Variants in CARMIL1 observed in about 807,000 individuals in gnomAD.
The protein encoded by CARMIL1 is F-actin-uncapping protein LRRC16A.
CARMIL1 carries 90 observed loss-of-function variants against 177.1 expected under a neutral mutation model. The ratio of observed to expected loss-of-function variants is 0.51; its 90% CI spans 0.43 to 0.61. The LOEUF is 0.61. Among genes scored for constraint, CARMIL1 ranks in the 20% least tolerant of loss-of-function variants. The pLI is 0.00. For synonymous variants in CARMIL1, 577 were observed against 606.2 expected, an observed-to-expected ratio of 0.95 and a Z score of 0.71; for missense variants, 1,380 against 1,667.0, an observed-to-expected ratio of 0.83 and a Z score of 3.00.
In CARMIL1 at chr6:25,596,369, T is replaced by C. The variant is rs4711087; in HGVS notation, c.3119+1842T>C. ...AAAGGTCAAGGGATAGGTAAAATCA[T>C]GAAGTAGTACGAAGAAAGTTTGAAA... On this transcript the variant is annotated intron_variant, in intron 32 of 36. Transcript: ENST00000329474. Among the ~76,000 whole-genome samples the C allele has an allele frequency of 9.1e-4, 139 of 152,266 alleles. 1 individual carries two copies. The highest frequency in any genetic ancestry group is 7.0e-3 in the Admixed American group (107 of 15,290).
chr6:25,322,122 G>A (rs1784724919), intron 2 of CARMIL1, among the ~76,000 whole-genome samples: 1 of 151,222 alleles, frequency 6.6e-6, no homozygotes, highest in Non-Finnish European at 1.5e-5. Context: ...GAAATCTGGT[G>A]TTTTTGTTTT....
intron 16 of CARMIL1, among the ~76,000 whole-genome samples, 188 bp downstream of exon 16, chr6:25,495,403 A>T (rs1042420595): frequency 7.9e-5 from 12 of 152,322 alleles, no homozygotes; most frequent in African/African-American, 2.6e-4. Flanking sequence ...ATATTATTGC[A>T]TCTTCTAAGA....
chr6:25,456,635 C>T (rs753922418), intron 8 of CARMIL1, among the ~76,000 whole-genome samples: 1 of 152,108 alleles, frequency 6.6e-6, no homozygotes, highest in African/African-American at 2.4e-5. Context: ...TTTAATTACA[C>T]TGTAATTTGG....
intron 2 of CARMIL1, among the ~76,000 whole-genome samples, chr6:25,329,011 G>A (rs1048615404): frequency 2.0e-5 from 3 of 152,152 alleles, no homozygotes; most frequent in African/African-American, 7.2e-5. Flanking sequence ...TTTCTGTCAT[G>A]TTGGAGAAGA....
At chr6:25,350,742 A>G (rs1788031461) in intron 2 of CARMIL1, 1 of 152,218 alleles carries the variant, frequency 6.6e-6, no homozygotes, top group Admixed American at 6.5e-5. Context: ...GTTTGCCAAA[A>G]GTCAGCCATC....
intron 2 of CARMIL1, among the ~76,000 whole-genome samples, chr6:25,323,644 A>G (rs1304468537): frequency 6.6e-6 from 1 of 152,140 alleles, no homozygotes; most frequent in Admixed American, 6.5e-5. Flanking sequence ...AATGGTTGCA[A>G]ATATTTCTGA....
At position 25,520,290 on chromosome 6, in the gene CARMIL1, C is replaced by G. The variant is rs1167804572; in HGVS notation, c.1921C>G (p.Gln641Glu). The change falls in exon 23 of 37, where the codon CAA becomes GAA. Residue 641 changes from glutamine to glutamate, a missense_variant. Coordinates refer to ENST00000329474, the MANE Select transcript of CARMIL1 (RefSeq NM_017640.6). ...GCCAATTCCTATGTATGATGCTTCTCAAGCCCTAAAAACAAACCCTGAAAA... is the reference window on the plus strand; with the variant it reads ...GCCAATTCCTATGTATGATGCTTCTGAAGCCCTAAAAACAAACCCTGAAAA... ...FMPIPMYDASQALKTNPEKTE... is the reference protein window; with the variant it reads ...FMPIPMYDASEALKTNPEKTE... 3 of 1,566,244 alleles carry G rather than the reference C, an allele frequency of 1.9e-6. No homozygotes were observed. Among genetic ancestry groups the G allele is most frequent in the Non-Finnish European group, 2.6e-6 (3 of 1,154,222 alleles).
intron 2 of CARMIL1, among the ~76,000 whole-genome samples, chr6:25,402,992 G>A (rs1794018031): frequency 6.6e-6 from 1 of 151,592 alleles, no homozygotes; most frequent in South Asian, 2.1e-4. Flanking sequence ...CCCTACTGAG[G>A]ACAAACATAA....
chr6:25,313,470 C>T (rs9379752), intron 2 of CARMIL1, among the ~76,000 whole-genome samples: 31,195 of 151,418 alleles, frequency 0.21, 4,146 homozygotes, highest in East Asian at 0.4. Flanking sequence ...TAGATTTGGT[C>T]CTATAAGGCT....
chr6:25,360,290 G>C (rs1250982746), intron 2 of CARMIL1, among the ~76,000 whole-genome samples: 32 of 152,210 alleles, frequency 2.1e-4, no homozygotes, highest in Admixed American at 2.1e-3. Context: ...GTGGGGGAGG[G>C]AAAGAAGGAA....
At chr6:25,444,045 C>G (rs1797996069) in intron 5 of CARMIL1, among the ~76,000 whole-genome samples, 1 of 152,104 alleles carries the variant, frequency 6.6e-6, no homozygotes, top group South Asian at 2.1e-4. Flanking sequence ...TCAGGTGATC[C>G]GCCTGCCTCA....
Position 25,509,767 on chromosome 6 carries a change from T to C in CARMIL1, c.1477+30T>C. 5 of 1,441,760 alleles carry C rather than the reference T, an allele frequency of 3.5e-6. No homozygotes were observed. The highest frequency in any genetic ancestry group is 4.8e-6 in the Non-Finnish European group (5 of 1,046,988). 89.3% of individuals were successfully genotyped at this position (1,441,760 alleles called of 1,614,324 possible). A position where few individuals can be genotyped will look rare whatever the true frequency, so the allele number is the denominator to read the frequency against. On this transcript the variant is annotated intron_variant, in intron 18 of 36. Coordinates refer to ENST00000329474, the MANE Select transcript of CARMIL1 (RefSeq NM_017640.6). This position sits in a 1 kb window ranked among gnomAD's most constrained non-coding sequence, Gnocchi z 4.1. ...GTCAGATATTGAAAAGAAATGAAAC[T>C]GAAATATTTTTTGAAGCAAGTTAAT...
chr6:25,510,752 A>T lies in CARMIL1; in HGVS notation c.1622A>T (p.Asp541Val), dbSNP rs1352441326. The T allele has an allele frequency of 6.5e-7, 1 of 1,535,270 alleles. No individual in the cohort carries two copies. Among genetic ancestry groups the T allele is most frequent in the African/African-American group, 1.4e-5 (1 of 71,836 alleles). ...VLDNLVQMIQ[D>V]EESPLQSLSL... ...GACAACTTAGTACAGATGATTCAAG[A>T]TGAAGAATCAGTGAGTATTATGTTA... The change falls in exon 20 of 37, where the codon GAT (aspartate) becomes GTT (valine). Residue 541 changes from aspartate (D) to valine (V), a missense_variant. By Grantham distance (152) the Asp-to-Val change is radical. Coordinates refer to ENST00000329474, the MANE Select transcript of CARMIL1 (RefSeq NM_017640.6).
intron 2 of CARMIL1, among the ~76,000 whole-genome samples, chr6:25,288,897 CAG>C (rs1197223567): frequency 1.3e-5 from 2 of 152,184 alleles, no homozygotes; most frequent in East Asian, 1.9e-4. Flanking sequence ...ATAAATTTGG[CAG>C]AGTGTTAAAG....
At chr6:25,363,214 A>G (rs1364947418) in intron 2 of CARMIL1, among the ~76,000 whole-genome samples, 1 of 152,164 alleles carries the variant, frequency 6.6e-6, no homozygotes, top group East Asian at 1.9e-4. Flanking sequence ...TTGGAGAAAG[A>G]TGGGTTAAGT....
At chr6:25,516,520 A>G (rs1042502276) in intron 21 of CARMIL1, among the ~76,000 whole-genome samples, 5 of 152,188 alleles carry the variant, frequency 3.3e-5, no homozygotes, top group African/African-American at 4.8e-5. Context: ...CTCCGGCATA[A>G]AAGTCTAAGC....
At chr6:25,371,820 A>C (rs935420709) in intron 2 of CARMIL1, among the ~76,000 whole-genome samples, 6 of 152,104 alleles carry the variant, frequency 3.9e-5, no homozygotes, top group Non-Finnish European at 5.9e-5. Context: ...TCTTAGTCAT[A>C]AATTCTTTAC....
chr6:25,354,379 A>C (rs1788387395), intron 2 of CARMIL1, among the ~76,000 whole-genome samples: 2 of 106,782 alleles, frequency 1.9e-5, no homozygotes, highest in South Asian at 5.5e-4. Context: ...GGGCCTTGCT[A>C]TATTGCCCAA....
chr6:25,372,492 T>A (rs2150440275), intron 2 of CARMIL1, among the ~76,000 whole-genome samples: 1 of 152,318 alleles, frequency 6.6e-6, no homozygotes, highest in South Asian at 2.1e-4. Context: ...TAATTTATTT[T>A]ATTTTTGCTG....
Sources: gnomAD v4.1 joint callset for allele counts (sites outside exome capture counted in the v4.1 genomes callset) on GRCh38, gnomAD v4.1.1 for gene constraint, Gnocchi (gnomAD v3.1) non-coding constraint, MANE v1.5 for transcripts, NCBI Gene and HGNC (gene_info 2026-07-23, HGNC 2026-07-21) for gene names.